SYF2: variants seen among roughly 807,000 people sequenced by gnomAD.
SYF2 encodes the protein pre-mRNA-splicing factor SYF2.
Under a neutral mutation model 32.7 loss-of-function variants are expected in SYF2, and 21 were observed. The observed-to-expected ratio is 0.64, with a 90% CI of 0.45 to 0.92. The LOEUF is 0.92. SYF2 is among the 40% of genes least tolerant of loss of function. The probability of loss-of-function intolerance (pLI) is 0.00; values close to 1 mark genes in which losing one functional copy is unlikely to be tolerated. For synonymous variants in SYF2, 114 were observed against 103.9 expected (o/e 1.10, Z -0.59); for missense variants, 278 against 296.5 (o/e 0.94, Z 0.46).
In SYF2 at chr1:25,223,407, G is replaced by A; in HGVS notation, c.591C>T (p.Ser197=). Residue 197 remains serine (S), a synonymous_variant, in exon 7 of 7, where the codon AGC becomes AGT. Coordinates refer to ENST00000236273, the MANE Select transcript of SYF2 (RefSeq NM_015484.5). ...CATCATCATTATAAGGACGTCTCCG[G>A]CTATATTTGTCTCGTTTTTCAATCC... The part of the protein sequence containing the change: ...EKQIEKRDKY[S]RRRPYNDDAD... 6.2e-7 allele frequency: 1 copy of A among 1,608,832 alleles called. No homozygotes were observed. Among genetic ancestry groups the A allele is most frequent in the Non-Finnish European group, 8.5e-7 (1 of 1,178,310 alleles).
At chr1:25,225,213 T>TC (rs1354060144) in intron 5 of SYF2, 113 bp from the exon 6 acceptor site, 2 of 713,228 alleles carry the variant, frequency 2.8e-6, no homozygotes, top group African/African-American at 3.6e-5. Context: ...TACTGTGAGA[T>TC]CCTACTTTAA....
intron 2 of SYF2, among the ~76,000 whole-genome samples, chr1:25,229,737 T>G (rs895250026): frequency 2.7e-5 from 4 of 148,916 alleles, no homozygotes; most frequent in African/African-American, 9.9e-5. Context: ...ATTGCACTAC[T>G]GCACTACAGC....
chr1:25,232,132 C>T lies in SYF2; in HGVS notation c.104G>A (p.Arg35His), dbSNP rs1638643079. 2 of 1,613,866 alleles carry T rather than the reference C, an allele frequency of 1.2e-6. No individual in the cohort carries two copies. The highest frequency in any genetic ancestry group is 2.7e-5 in the African/African-American group (2 of 74,930). ...CATCAGGTGCAGCTCCCGGAATTTG[C>T]GCAGTCTCTGTTCGCGCTTCTGAGC... ...LAAQKREQRL[R>H]KFRELHLMRN... is the part of the protein sequence containing the mutation. Residue 35 changes from arginine to histidine, a missense_variant, in exon 2 of 7, where the codon CGC (arginine) becomes CAC (histidine). Transcript: ENST00000236273.
intron 5 of SYF2, among the ~76,000 whole-genome samples, chr1:25,225,585 C>A (rs1159601129): frequency 1.3e-5 from 2 of 149,968 alleles, no homozygotes; most frequent in Non-Finnish European, 3.0e-5. Context: ...GGAGGCCAGG[C>A]GCAGTGGCTC....
intron 5 of SYF2, 148 bp downstream of exon 5, chr1:25,227,294 A>G (rs2124511284): frequency 1.4e-6 from 1 of 696,392 alleles, no homozygotes; most frequent in Admixed American, 2.8e-5. Context: ...CTCAAAGGAA[A>G]AAAATATCCA....
chr1:25,227,827 G>A (rs1571489772), intron 4 of SYF2, among the ~76,000 whole-genome samples: 1 of 152,170 alleles, frequency 6.6e-6, no homozygotes, highest in African/African-American at 2.4e-5. Flanking sequence ...CTCAATCTGT[G>A]TGAAGTAATA....
chr1:25,225,042 T>G lies in SYF2; in HGVS notation c.526A>C (p.Thr176Pro). ...SLLHGTHVPS[T>P]EEIDRMVIDL... ...ATGACCATCCTGTCAATTTCCTCTG[T>G]GGAAGGCACATGTGTTCCATGAAGA... The change falls in exon 6 of 7, where the codon ACA becomes CCA. Residue 176 changes from threonine to proline, a missense_variant. By Grantham distance (38) the Thr-to-Pro change is conservative (BLOSUM62 -1). Coordinates refer to ENST00000236273, the MANE Select transcript of SYF2 (RefSeq NM_015484.5). The G allele has an allele frequency of 6.2e-7, 1 of 1,614,128 alleles. No individual in the cohort carries two copies. Among genetic ancestry groups the G allele is most frequent in the South Asian group, 1.1e-5 (1 of 91,086 alleles).
intron 5 of SYF2, among the ~76,000 whole-genome samples, chr1:25,226,238 A>C (rs746223944): frequency 3.2e-4 from 48 of 152,250 alleles, no homozygotes; most frequent in Non-Finnish European, 5.7e-4. Flanking sequence ...TTCACTGTAC[A>C]GATCAAAGAG....
At chr1:25,228,337 AT>A in intron 3 of SYF2, 102 bp from the exon 4 acceptor site, 3 of 1,055,452 alleles carry the variant, frequency 2.8e-6, no homozygotes, top group Non-Finnish European at 4.2e-6. Flanking sequence ...CAATACTTTA[AT>A]AGTATTTTTT....
At chr1:25,229,175 G>A (rs1339586134) in intron 2 of SYF2, 52 bp from the exon 3 acceptor site, 4 of 1,590,208 alleles carry the variant, frequency 2.5e-6, no homozygotes, top group Non-Finnish European at 3.4e-6. Context: ...AATAAATCCA[G>A]ATACACCTTG....
At chr1:25,228,301 T>TC in intron 3 of SYF2, 66 bp from the exon 4 acceptor site, 1 of 1,275,302 alleles carries the variant, frequency 7.8e-7, no homozygotes. Context: ...CTACTTTACA[T>TC]CAAGAAAGAT....
chr1:25,225,003 G>GT lies in SYF2; in HGVS notation c.564dup (p.Gln189ThrfsTer3). The GT allele has an allele frequency of 6.2e-7, 1 of 1,610,132 alleles. No individual in the cohort carries two copies. The highest frequency in any genetic ancestry group is 8.5e-7 in the Non-Finnish European group (1 of 1,176,396). On this transcript the variant is annotated frameshift_variant and splice_region_variant, in exon 6 of 7. Transcript: ENST00000236273. LOFTEE classifies it high-confidence loss of function. ...CAAGCTGCTCTACTGAATACTTACT[G>GT]TTTTTCCAGATCTATGACCATCCTG... is the stretch of plus-strand genomic sequence containing the variant.
In SYF2 at chr1:25,223,262, G is replaced by C; in HGVS notation, c.*4C>G. On this transcript the variant is annotated 3_prime_UTR_variant, in exon 7 of 7. Transcript: ENST00000236273. ...CAAGCTTCTATAAACAGTTCTTGAA[G>C]GGATTAGACAGCTGTTCCTCTTTCC... 1 of 1,607,964 alleles carries C rather than the reference G, an allele frequency of 6.2e-7. No individual in the cohort carries two copies. The highest frequency in any genetic ancestry group is 8.5e-7 in the Non-Finnish European group (1 of 1,178,146).
intron 5 of SYF2, among the ~76,000 whole-genome samples, chr1:25,226,932 G>A (rs1278411240): frequency 3.3e-5 from 5 of 151,816 alleles, no homozygotes; most frequent in Non-Finnish European, 7.4e-5. Context: ...AGTGAGTTAT[G>A]ACAGTGTCAA....
At chr1:25,224,113 G>C (rs1022896785) in intron 6 of SYF2, among the ~76,000 whole-genome samples, 12 of 152,224 alleles carry the variant, frequency 7.9e-5, no homozygotes, top group African/African-American at 2.9e-4. Context: ...AGAATCGCTT[G>C]AAACTGGCAG....
chr1:25,228,861 G>A, intron 3 of SYF2, 137 bp downstream of exon 3: 1 of 950,274 alleles, frequency 1.1e-6, no homozygotes, highest in Non-Finnish European at 1.6e-6. Flanking sequence ...ACGTGTTGCA[G>A]TTGGTACTGA....
At chr1:25,223,548 G>C in intron 6 of SYF2, 117 bp from the exon 7 acceptor site, 2 of 985,812 alleles carry the variant, frequency 2.0e-6, no homozygotes, top group Non-Finnish European at 3.0e-6. Context: ...GAGGGCTAGA[G>C]GAAGCCAGGA....
At chr1:25,231,839 T>C in intron 2 of SYF2, 1 of 553,192 alleles carries the variant, frequency 1.8e-6, no homozygotes. Flanking sequence ...AGGTTGTTAG[T>C]AATGGAGACT....
Position 25,232,428 on chromosome 1 carries a change from G to C in SYF2, c.24+16C>G. On this transcript the variant is annotated intron_variant, in intron 1 of 6. Transcript: ENST00000236273. ...CTCACCAACAAAACCCCCGGTGTACGGTGGGTGGAACTCACCTCGGATGCA... is the reference window on the plus strand; with the variant it reads ...CTCACCAACAAAACCCCCGGTGTACCGTGGGTGGAACTCACCTCGGATGCA... 1.2e-6 allele frequency: 2 copies of C among 1,614,194 alleles called. No homozygotes were observed. Among genetic ancestry groups the C allele is most frequent in the Non-Finnish European group, 8.5e-7 (1 of 1,180,026 alleles).
Sources: allele counts gnomAD v4.1 joint callset (sites outside exome capture counted in the v4.1 genomes callset), GRCh38; gene constraint gnomAD v4.1.1; transcripts MANE v1.5; gene names NCBI Gene and HGNC (gene_info 2026-07-23, HGNC 2026-07-21).